The following NPAS3 variants were observed in gnomAD, a reference collection of about 807,000 sequenced individuals.
NPAS3 encodes neuronal PAS domain protein 3.
Under a neutral mutation model 73.1 loss-of-function variants are expected in NPAS3, and 14 were observed. The ratio of observed to expected loss-of-function variants is 0.19; its 90% CI spans 0.13 to 0.30. The LOEUF is 0.30. Ranked by LOEUF, NPAS3 falls within the 10% of genes least tolerant of loss-of-function variation. The pLI, the probability that NPAS3 is intolerant of heterozygous loss-of-function variation, is 1.00. For synonymous variants in NPAS3, 620 were observed against 541.5 expected (o/e 1.14, Z -2.01); for missense variants, 1,096 against 1,250.0 (o/e 0.88, Z 1.86).
intron 2 of NPAS3, among the ~76,000 whole-genome samples, chr14:33,138,618 TAG>T (rs1285167079): frequency 6.6e-6 from 1 of 152,164 alleles, no homozygotes; most frequent in Non-Finnish European, 1.5e-5. Context: ...TATGTATAAA[TAG>T]AGTCTTCCAA....
chr14:33,450,140 T>C (rs1054991757), intron 4 of NPAS3, among the ~76,000 whole-genome samples: 2 of 152,198 alleles, frequency 1.3e-5, no homozygotes, highest in Non-Finnish European at 2.9e-5. Context: ...TTACAGGCAG[T>C]GCCACAATTT....
intron 6 of NPAS3, among the ~76,000 whole-genome samples, chr14:33,688,769 C>A (rs2060156215): frequency 6.6e-6 from 1 of 152,180 alleles, no homozygotes; most frequent in African/African-American, 2.4e-5. Context: ...CCACCCCATC[C>A]TACCTATTCT....
At chr14:33,455,195 T>C (rs557321740) in intron 4 of NPAS3, among the ~76,000 whole-genome samples, 426 of 152,302 alleles carry the variant, frequency 2.8e-3, no homozygotes, top group African/African-American at 9.7e-3. Flanking sequence ...CAAACAAAGC[T>C]TTGGTTTACA....
intron 7 of NPAS3, among the ~76,000 whole-genome samples, chr14:33,749,166 G>A (rs2140747041): frequency 6.6e-6 from 1 of 152,270 alleles, no homozygotes; most frequent in East Asian, 1.9e-4. Flanking sequence ...ATAGTGATTA[G>A]AGAGAAATAC....
At chr14:33,068,226 A>G (rs747645156) in intron 2 of NPAS3, among the ~76,000 whole-genome samples, 1 of 152,212 alleles carries the variant, frequency 6.6e-6, no homozygotes, top group Non-Finnish European at 1.5e-5. Context: ...GCTGTCTGTA[A>G]TCTTAGCTTA....
At chr14:33,566,579 C>G (rs2055955053) in intron 5 of NPAS3, among the ~76,000 whole-genome samples, 1 of 152,026 alleles carries the variant, frequency 6.6e-6, no homozygotes, top group South Asian at 2.1e-4. Context: ...CCTTTTAGTT[C>G]ATAGTTCTTA....
chr14:33,570,440 C>T (rs1309408393), intron 5 of NPAS3, among the ~76,000 whole-genome samples: 4 of 152,122 alleles, frequency 2.6e-5, no homozygotes, highest in African/African-American at 7.2e-5. Flanking sequence ...CTACACATCC[C>T]TGAGGACAGA....
At chr14:33,346,738 C>G (rs1469220784) in intron 3 of NPAS3, among the ~76,000 whole-genome samples, 1 of 152,054 alleles carries the variant, frequency 6.6e-6, no homozygotes, top group African/African-American at 2.4e-5. Context: ...CATCATGGAA[C>G]CCAGTGATAA....
At chr14:33,627,041 C>T (rs2058241539) in intron 5 of NPAS3, among the ~76,000 whole-genome samples, 1 of 151,538 alleles carries the variant, frequency 6.6e-6, no homozygotes, top group South Asian at 2.1e-4. Flanking sequence ...TATATATATG[C>T]ATTATTGTCA....
At position 33,620,667 on chromosome 14, in the gene NPAS3, GACATA is replaced by G. The variant is rs1420265502; in HGVS notation, c.559-55538_559-55534del. 3.9e-5 allele frequency among the ~76,000 whole-genome samples: 6 copies of G among 152,174 alleles called. No homozygotes were observed. The East Asian group carries it at 5.8e-4, about 15-fold the overall frequency. On this transcript the variant is annotated intron_variant, in intron 5 of 11. Coordinates refer to ENST00000356141, the Ensembl canonical transcript of NPAS3. ...TTAATTTCAAAAATCAACATTAATAGACATAACATACAGTTATAATGCACCAAATA... is the reference window on the plus strand; with the variant it reads ...TTAATTTCAAAAATCAACATTAATAGACATACAGTTATAATGCACCAAATA...
At chr14:33,627,925 T>C (rs1196538507) in intron 5 of NPAS3, among the ~76,000 whole-genome samples, 1 of 152,188 alleles carries the variant, frequency 6.6e-6, no homozygotes, top group Non-Finnish European at 1.5e-5. Context: ...AAATCTCTTA[T>C]CAGCAGTGTA....
intron 9 of NPAS3, among the ~76,000 whole-genome samples, chr14:33,790,764 G>A (rs1307359057): frequency 2.6e-5 from 4 of 152,128 alleles, no homozygotes; most frequent in African/African-American, 7.2e-5. Flanking sequence ...CGCCTCCCAG[G>A]CTCAAGCGAT....
intron 3 of NPAS3, among the ~76,000 whole-genome samples, chr14:33,259,888 A>G (rs993609025): frequency 6.6e-6 from 1 of 151,850 alleles, no homozygotes; most frequent in African/African-American, 2.4e-5. Context: ...GCAACATCTT[A>G]ACCATGAAAT....
At chr14:33,081,644 C>CT (rs2041866709) in intron 2 of NPAS3, among the ~76,000 whole-genome samples, 2 of 152,184 alleles carry the variant, frequency 1.3e-5, no homozygotes, top group Non-Finnish European at 2.9e-5. Flanking sequence ...TGGTTTAATT[C>CT]TTTTGCATTC....
chr14:33,496,127 A>C (rs1391598331), intron 4 of NPAS3, among the ~76,000 whole-genome samples: 1 of 152,098 alleles, frequency 6.6e-6, no homozygotes, highest in South Asian at 2.1e-4. Flanking sequence ...GGACACATAC[A>C]CCCTCCCAAG....
At chr14:33,475,847 A>G (rs192971147) in intron 4 of NPAS3, among the ~76,000 whole-genome samples, 67 of 152,274 alleles carry the variant, frequency 4.4e-4, no homozygotes, top group African/African-American at 1.6e-3. Flanking sequence ...GCATTCAGCC[A>G]CCAGAGGGGG....
intron 2 of NPAS3, among the ~76,000 whole-genome samples, chr14:33,205,819 C>A (rs1321138008): frequency 6.6e-6 from 1 of 152,150 alleles, no homozygotes; most frequent in Non-Finnish European, 1.5e-5. Context: ...TTTCTCCCTT[C>A]CAAATGTGTT....
At chr14:33,413,523 G>A (rs2048021200) in intron 4 of NPAS3, among the ~76,000 whole-genome samples, 1 of 152,044 alleles carries the variant, frequency 6.6e-6, no homozygotes, top group African/African-American at 2.4e-5. Context: ...CCCTTTAGCT[G>A]CTTATCTTTG....
At chr14:33,378,000 T>A (rs1262808526) in intron 4 of NPAS3, among the ~76,000 whole-genome samples, 1 of 152,176 alleles carries the variant, frequency 6.6e-6, no homozygotes, top group Non-Finnish European at 1.5e-5. Flanking sequence ...CAGACCAACA[T>A]AGTTCAATGT....
Sources: gnomAD v4.1 joint callset for allele counts (sites outside exome capture counted in the v4.1 genomes callset) on GRCh38, gnomAD v4.1.1 for gene constraint, MANE v1.5 for transcripts, NCBI Gene and HGNC (gene_info 2026-07-23, HGNC 2026-07-21) for gene names.